The following PTAR1 variants were observed in gnomAD, a reference collection of about 807,000 sequenced individuals.
PTAR1 encodes protein prenyltransferase alpha subunit repeat containing 1.
Under a neutral mutation model 45.5 loss-of-function variants are expected in PTAR1, and 17 were observed. The ratio of observed to expected loss-of-function variants is 0.37; its 90% CI spans 0.26 to 0.56. The LOEUF is 0.56. Ranked by LOEUF, PTAR1 falls within the 20% of genes least tolerant of loss-of-function variation. PTAR1 has a pLI of 0.77. For synonymous variants in PTAR1, 169 were observed against 171.3 expected, an observed-to-expected ratio of 0.99 and a Z score of 0.11; for missense variants, 391 against 476.3, an observed-to-expected ratio of 0.82 and a Z score of 1.67.
rs1028933058 is a variant in PTAR1 at position 69,713,896 on chromosome 9, C to A, written c.*4446G>T. The A allele has an allele frequency of 6.6e-6, 1 of 151,998 alleles. No homozygotes were observed. Among genetic ancestry groups the A allele is most frequent in the African/African-American group, 2.4e-5 (1 of 41,396 alleles). The allele number at this position is 151,998 out of a possible 1,614,324, so 9.4% of individuals were successfully genotyped here. Reference sequence around the variant, plus strand: ...AAATACCCTACGGGGCCATGCCTAGCGATGGGAATAAATAAAACAATGGGC... The same window carrying A: ...AAATACCCTACGGGGCCATGCCTAGAGATGGGAATAAATAAAACAATGGGC... On this transcript the variant is annotated 3_prime_UTR_variant, in exon 8 of 8. Transcript: ENST00000340434.
In PTAR1 at chr9:69,712,991, T is replaced by C. The variant is rs1042201988; in HGVS notation, c.*5351A>G. On this transcript the variant is annotated 3_prime_UTR_variant, in exon 8 of 8. Coordinates refer to ENST00000340434, the MANE Select transcript of PTAR1 (RefSeq NM_001099666.2). ...AGAGCTAATAATATATTTAGCATAT[T>C]TTTGCCTTTTCTTTTTGCCACTGAA... 1 of 152,136 alleles carries C rather than the reference T, an allele frequency of 6.6e-6. No homozygotes were observed. The highest frequency in any genetic ancestry group is 1.5e-5 in the Non-Finnish European group (1 of 68,012). 9.4% of individuals were successfully genotyped at this position (152,136 alleles called of 1,614,324 possible). A position where few individuals can be genotyped will look rare whatever the true frequency, so the allele number is the denominator to read the frequency against.
intron 1 of PTAR1, chr9:69,758,441 G>C (rs1435550466): frequency 6.6e-6 from 1 of 151,988 alleles, no homozygotes; most frequent in East Asian, 1.9e-4. Flanking sequence ...GAAATCGAAA[G>C]ACTGATATAC....
At chr9:69,740,091 G>A (rs1825974267) in intron 3 of PTAR1, among the ~76,000 whole-genome samples, 1 of 152,132 alleles carries the variant, frequency 6.6e-6, no homozygotes, top group Admixed American at 6.5e-5. Context: ...GTTAACTTAT[G>A]AAACAGGACT....
Position 69,718,567 on chromosome 9 carries a change from T to A in PTAR1, c.984A>T (p.Ala328=), listed in dbSNP as rs747817131. The part of the protein sequence containing the change: ...HIFYLQHHLN[A]GSQLSQAMEV... ...CCATTGCTTGAGACAGCTGGGAGCC[T>A]GCTGGGATAAGGTGCAAGTCACTCA... is the stretch of plus-strand genomic sequence containing the variant. Residue 328 remains alanine (A), a splice_region_variant and synonymous_variant, in exon 8 of 8, where the codon GCA becomes GCT. Coordinates refer to ENST00000340434, the MANE Select transcript of PTAR1 (RefSeq NM_001099666.2). 1 of 1,613,624 alleles carries A rather than the reference T, an allele frequency of 6.2e-7. No individual in the cohort carries two copies. The highest frequency in any genetic ancestry group is 1.1e-5 in the South Asian group (1 of 91,078).
At chr9:69,759,438 C>T (rs1405631848) in intron 1 of PTAR1, among the ~76,000 whole-genome samples, 3 of 152,060 alleles carry the variant, frequency 2.0e-5, no homozygotes, top group African/African-American at 7.2e-5. Context: ...GATCGGTTAC[C>T]CCCTCTTGCC....
chr9:69,718,197 T>C lies in PTAR1; in HGVS notation c.*145A>G. The C allele has an allele frequency of 1.9e-6, 1 of 537,714 alleles. No individual in the cohort carries two copies. Among genetic ancestry groups the C allele is most frequent in the Non-Finnish European group, 3.2e-6 (1 of 311,028 alleles). The allele number at this position is 537,714 out of a possible 1,614,324, so 33.3% of individuals were successfully genotyped here. A position where few individuals can be genotyped will look rare whatever the true frequency, so the allele number is the denominator to read the frequency against. ...CCAGTTATTAACAAAATAAATAAAATGAAAGATTTACTATGGACTTTCAAC... is the reference window on the plus strand; with the variant it reads ...CCAGTTATTAACAAAATAAATAAAACGAAAGATTTACTATGGACTTTCAAC... On this transcript the variant is annotated 3_prime_UTR_variant, in exon 8 of 8. Transcript: ENST00000340434.
chr9:69,749,850 C>T (rs1826445229), intron 2 of PTAR1, among the ~76,000 whole-genome samples: 1 of 151,852 alleles, frequency 6.6e-6, no homozygotes, highest in Non-Finnish European at 1.5e-5. Context: ...TCTTTTTATC[C>T]CCCACAGTAC....
Position 69,734,185 on chromosome 9 carries a change from G to C in PTAR1, c.393C>G (p.Thr131=). The C allele has an allele frequency of 6.6e-7, 1 of 1,525,744 alleles. No homozygotes were observed. The highest frequency in any genetic ancestry group is 1.1e-5 in the South Asian group (1 of 89,188). 94.5% of individuals were successfully genotyped at this position (1,525,744 alleles called of 1,614,324 possible). A position where few individuals can be genotyped will look rare whatever the true frequency, so the allele number is the denominator to read the frequency against. Residue 131 remains threonine, a synonymous_variant, in exon 4 of 8, where the codon ACC becomes ACG. Coordinates refer to ENST00000340434, the MANE Select transcript of PTAR1 (RefSeq NM_001099666.2). The part of the protein sequence containing the change: ...KDLHLGKLAL[T]KFPKSPETWI... ...ATGTTTCTGGACTCTTTGGAAACTT[G>C]GTTAAGGCGAGTTTTCCCAGATGTA...
At chr9:69,726,624 A>T (rs1217589790) in intron 5 of PTAR1, among the ~76,000 whole-genome samples, 3 of 151,948 alleles carry the variant, frequency 2.0e-5, no homozygotes, top group African/African-American at 7.2e-5. Context: ...TTCATCATCA[A>T]TACTTTAATC....
chr9:69,734,721 T>A (rs1825704089), intron 3 of PTAR1, among the ~76,000 whole-genome samples: 1 of 152,104 alleles, frequency 6.6e-6, no homozygotes, highest in Non-Finnish European at 1.5e-5. Flanking sequence ...ATGGTTGAGA[T>A]GTAAGGGAAA....
chr9:69,745,763 T>C (rs1826248887), intron 2 of PTAR1, among the ~76,000 whole-genome samples: 1 of 152,226 alleles, frequency 6.6e-6, no homozygotes. Flanking sequence ...GTATGTAAGA[T>C]GGAGCTATCA....
chr9:69,744,544 C>T (rs1031350277), intron 2 of PTAR1, among the ~76,000 whole-genome samples: 1 of 151,986 alleles, frequency 6.6e-6, no homozygotes. Flanking sequence ...TGCTACCATG[C>T]CCAGATAATT....
rs369671475 is a variant in PTAR1 at position 69,734,535 on chromosome 9, T to TAG, written c.324-282_324-281insCT. ...ACAGATTTTAACGATTTTTAAATCT[T>TAG]AACTATTTGCGTGAGGGTAAATGGG... On this transcript the variant is annotated intron_variant, in intron 3 of 7. Transcript: ENST00000340434. Among the ~76,000 whole-genome samples the TAG allele has an allele frequency of 8.5e-5, 13 of 152,274 alleles. 1 individual carries two copies. The highest frequency in any genetic ancestry group is 3.1e-4 in the African/African-American group (13 of 41,572).
At chr9:69,743,702 G>A (rs1306983348) in intron 2 of PTAR1, among the ~76,000 whole-genome samples, 1 of 152,084 alleles carries the variant, frequency 6.6e-6, no homozygotes, top group African/African-American at 2.4e-5. Context: ...AATATTCTAT[G>A]TCACTATTCA....
chr9:69,713,629 G>A lies in PTAR1; in HGVS notation c.*4713C>T, dbSNP rs1019883332. On this transcript the variant is annotated 3_prime_UTR_variant, in exon 8 of 8. Coordinates refer to ENST00000340434, the MANE Select transcript of PTAR1 (RefSeq NM_001099666.2). ...AAGGAAGGTCCTAAAGTAAGGCAAA[G>A]GATTCATTTAGGACAACGTTCTGGC... The A allele has an allele frequency of 2.6e-5, 4 of 152,104 alleles. No individual in the cohort carries two copies. Among genetic ancestry groups the A allele is most frequent in the Admixed American group, 2.0e-4 (3 of 15,242 alleles). The allele number at this position is 152,104 out of a possible 1,614,324, so 9.4% of individuals were successfully genotyped here. A position where few individuals can be genotyped will look rare whatever the true frequency, so the allele number is the denominator to read the frequency against.
rs567167423 is a variant in PTAR1 at position 69,723,225 on chromosome 9, T to A, written c.947+101A>T. ...GCAAAGCTCCACAATCAGATGACCATGTTTACCCAAGCAGGCAGGAATCAG... is the reference window on the plus strand; with the variant it reads ...GCAAAGCTCCACAATCAGATGACCAAGTTTACCCAAGCAGGCAGGAATCAG... On this transcript the variant is annotated intron_variant, in intron 6 of 7. Coordinates refer to ENST00000340434, the MANE Select transcript of PTAR1 (RefSeq NM_001099666.2). The A allele has an allele frequency of 2.7e-5, 26 of 971,026 alleles. No individual in the cohort carries two copies. The South Asian group carries it at 4.1e-4, about 15-fold the overall frequency. 60.2% of individuals were successfully genotyped at this position (971,026 alleles called of 1,614,324 possible).
intron 6 of PTAR1, among the ~76,000 whole-genome samples, chr9:69,721,885 T>C (rs1279513279): frequency 6.6e-6 from 1 of 152,188 alleles, no homozygotes; most frequent in South Asian, 2.1e-4. Flanking sequence ...AACTTTTATA[T>C]GTACTGGGAA....
At chr9:69,731,719 C>G (rs1320854575) in intron 5 of PTAR1, among the ~76,000 whole-genome samples, 1 of 152,154 alleles carries the variant, frequency 6.6e-6, no homozygotes, top group Admixed American at 6.6e-5. Context: ...GTGAGATTGT[C>G]TATCCCTGCC....
Position 69,712,732 on chromosome 9 carries a change from A to G in PTAR1, c.*5610T>C, listed in dbSNP as rs1824572946. 6.6e-6 allele frequency: 1 copy of G among 152,164 alleles called. No individual in the cohort carries two copies. The highest frequency in any genetic ancestry group is 1.5e-5 in the Non-Finnish European group (1 of 68,024). 9.4% of individuals were successfully genotyped at this position (152,164 alleles called of 1,614,324 possible). A position where few individuals can be genotyped will look rare whatever the true frequency, so the allele number is the denominator to read the frequency against. On this transcript the variant is annotated 3_prime_UTR_variant, in exon 8 of 8. Coordinates refer to ENST00000340434, the MANE Select transcript of PTAR1 (RefSeq NM_001099666.2). The stretch of plus-strand genomic sequence containing the variant: ...AAAACCAACGGTAATCATTTTCCTC[A>G]ACAGTATTTCTAAAAGTTGAGAATG...
Sources: gnomAD v4.1 joint callset for allele counts (sites outside exome capture counted in the v4.1 genomes callset) on GRCh38, gnomAD v4.1.1 for gene constraint, MANE v1.5 for transcripts, NCBI Gene and HGNC (gene_info 2026-07-23, HGNC 2026-07-21) for gene names.